The following PTPN13 variants were observed in gnomAD, a reference collection of about 807,000 sequenced individuals.
The protein encoded by PTPN13 is protein tyrosine phosphatase non-receptor type 13.
PTPN13 carries 191 observed loss-of-function variants against 284.0 expected under a neutral mutation model. The ratio of observed to expected loss-of-function variants is 0.67; its 90% CI spans 0.60 to 0.76. The LOEUF (loss-of-function observed/expected upper bound fraction) is 0.76, where lower values mean the gene tolerates loss of function less well. Among genes scored for constraint, PTPN13 ranks in the 30% least tolerant of loss-of-function variants. The pLI, the probability that PTPN13 is intolerant of heterozygous loss-of-function variation, is 0.00. For synonymous variants in PTPN13, 986 were observed against 1,022.3 expected, an observed-to-expected ratio of 0.96 and a Z score of 0.68; for missense variants, 2,797 against 2,939.9, an observed-to-expected ratio of 0.95 and a Z score of 1.12.
At chr4:86,713,120 A>G (rs564057421) in intron 7 of PTPN13, among the ~76,000 whole-genome samples, 2 of 152,232 alleles carry the variant, frequency 1.3e-5, no homozygotes, top group South Asian at 2.1e-4. Context: ...TACTCATTTT[A>G]TTGAACAGGT....
In PTPN13 at chr4:86,785,889, G is replaced by C. The variant is rs372303033; in HGVS notation, c.6298G>C (p.Glu2100Gln). The C allele has an allele frequency of 1.9e-6, 3 of 1,569,422 alleles. No homozygotes were observed. The African/African-American group carries it at 4.0e-5, about 21-fold the overall frequency. The change falls in exon 40 of 48, where the codon GAA (glutamate) becomes CAA (glutamine). Residue 2100 changes from glutamate (E) to glutamine (Q), a missense_variant. By Grantham distance (29) the Glu-to-Gln change is conservative (BLOSUM62 2). Coordinates refer to ENST00000411767, the MANE Select transcript of PTPN13 (RefSeq NM_080683.3). ...TGGGAAGTTATCAGAAGAGAGAACAGAAGATACAGACTGCGATGGTTCACC... is the reference window on the plus strand; with the variant it reads ...TGGGAAGTTATCAGAAGAGAGAACACAAGATACAGACTGCGATGGTTCACC... ...MNGKLSEERT[E>Q]DTDCDGSPLP...
At chr4:86,786,836 C>T (rs1456402370) in intron 40 of PTPN13, among the ~76,000 whole-genome samples, 1 of 152,182 alleles carries the variant, frequency 6.6e-6, no homozygotes, top group Non-Finnish European at 1.5e-5. Flanking sequence ...GGCGCGTTGG[C>T]TCATGGCGGT....
intron 20 of PTPN13, among the ~76,000 whole-genome samples, chr4:86,757,995 A>G (rs956184473): frequency 3.9e-5 from 6 of 152,134 alleles, no homozygotes; most frequent in African/African-American, 1.2e-4. Flanking sequence ...CATTTAACCT[A>G]TTGAGGTTTA....
intron 1 of PTPN13, among the ~76,000 whole-genome samples, chr4:86,611,591 A>G (rs1719891786): frequency 6.6e-6 from 1 of 152,252 alleles, no homozygotes; most frequent in Non-Finnish European, 1.5e-5. Context: ...ATCGGGTAAT[A>G]AAGGACAGTG....
chr4:86,736,310 C>T (rs1242054802), intron 15 of PTPN13, among the ~76,000 whole-genome samples: 1 of 152,046 alleles, frequency 6.6e-6, no homozygotes, highest in Non-Finnish European at 1.5e-5. Flanking sequence ...AGTACATTTA[C>T]GATCAAGAAA....
intron 1 of PTPN13, among the ~76,000 whole-genome samples, chr4:86,597,440 T>G (rs559185997): frequency 1.1e-3 from 160 of 152,268 alleles, no homozygotes; most frequent in African/African-American, 3.8e-3. Context: ...AGAGACAATG[T>G]CTCGCTGTAT....
chr4:86,784,222 G>T (rs1477528666), intron 37 of PTPN13, among the ~76,000 whole-genome samples: 2 of 152,056 alleles, frequency 1.3e-5, no homozygotes, highest in Non-Finnish European at 2.9e-5. Context: ...AAAATTCCTG[G>T]AATAAAAATT....
In PTPN13 at chr4:86,627,486, C is replaced by A. The variant is rs78255433; in HGVS notation, c.-5-7766C>A. 6.1e-3 allele frequency among the ~76,000 whole-genome samples: 914 copies of A among 150,302 alleles called. 13 individuals are homozygous for A. Among genetic ancestry groups the A allele is most frequent in the African/African-American group, 0.021 (853 of 41,190 alleles). ...ACAAAGAAAAGGATTGCTGTTTCAC[C>A]TTTGATTGGGTTTAGTTTTTGGTTT... On this transcript the variant is annotated intron_variant, in intron 1 of 47. Coordinates refer to ENST00000411767, the MANE Select transcript of PTPN13 (RefSeq NM_080683.3).
Position 86,716,557 on chromosome 4 carries a change from A to G in PTPN13, c.1223A>G (p.His408Arg). ...EEPVRRYKTY[H>R]GDVFSTSSES... is the part of the protein sequence containing the mutation. ...CCAGTTCGAAGATACAAAACTTATCATGGTGATGTCTTTAGTACCTCCAGT... is the reference window on the plus strand; with the variant it reads ...CCAGTTCGAAGATACAAAACTTATCGTGGTGATGTCTTTAGTACCTCCAGT... The change falls in exon 8 of 48, where the codon CAT (histidine) becomes CGT (arginine). Residue 408 changes from histidine to arginine, a missense_variant. By Grantham distance (29) the His-to-Arg change is conservative. Transcript: ENST00000411767. The G allele has an allele frequency of 5.6e-6, 9 of 1,596,410 alleles. No individual in the cohort carries two copies. Among genetic ancestry groups the G allele is most frequent in the Non-Finnish European group, 7.7e-6 (9 of 1,171,598 alleles).
In PTPN13 at chr4:86,775,501, A is replaced by C. The variant is rs2149287739; in HGVS notation, c.5740A>C (p.Asn1914His). 1 of 1,611,778 alleles carries C rather than the reference A, an allele frequency of 6.2e-7. No individual in the cohort carries two copies. Among genetic ancestry groups the C allele is most frequent in the East Asian group, 2.2e-5 (1 of 44,862 alleles). ...LYQVVYISDINPRSVAAIEGN... is the reference protein window; with the variant it reads ...LYQVVYISDIHPRSVAAIEGN... Reference sequence around the variant, plus strand: ...TCAAGTGGTATATATTAGTGATATTAATCCAAGGTCCGTCGCAGCCATTGA... The same window carrying C: ...TCAAGTGGTATATATTAGTGATATTCATCCAAGGTCCGTCGCAGCCATTGA... Residue 1914 changes from asparagine (N) to histidine (H), a missense_variant, in exon 35 of 48, where the codon AAT (asparagine) becomes CAT (histidine). Coordinates refer to ENST00000411767, the MANE Select transcript of PTPN13 (RefSeq NM_080683.3).
intron 40 of PTPN13, 55 bp from the exon 41 acceptor site, chr4:86,796,819 T>C (rs1313348282): frequency 8.9e-7 from 1 of 1,121,552 alleles, no homozygotes; most frequent in Non-Finnish European, 1.3e-6. Context: ...AAAAATAGTA[T>C]GCGATTTTTT....
intron 6 of PTPN13, among the ~76,000 whole-genome samples, chr4:86,696,527 A>T (rs1730612904): frequency 2.0e-5 from 3 of 151,938 alleles, no homozygotes; most frequent in African/African-American, 7.2e-5. Flanking sequence ...CCAGATTTTA[A>T]TGCCTTTTAT....
chr4:86,630,659 G>A (rs1293271241), intron 1 of PTPN13, among the ~76,000 whole-genome samples: 1 of 152,044 alleles, frequency 6.6e-6, no homozygotes, highest in Non-Finnish European at 1.5e-5. Flanking sequence ...GTGAATCCTT[G>A]CTCAAACTAG....
chr4:86,763,047 G>C lies in PTPN13; in HGVS notation c.3874G>C (p.Glu1292Gln), dbSNP rs199909155. 1.2e-6 allele frequency: 2 copies of C among 1,613,646 alleles called. No individual in the cohort carries two copies. The highest frequency in any genetic ancestry group is 1.7e-6 in the Non-Finnish European group (2 of 1,179,840). Reference protein sequence around the residue: ...PSPSVISKATEKETFTDSNQS... With the variant: ...PSPSVISKATQKETFTDSNQS... ...CCCATCTGTAATATCCAAAGCCACC[G>C]AGAAAGAGACTTTCACTGATAGTAA... Residue 1292 changes from glutamate to glutamine, a missense_variant, in exon 24 of 48, where the codon GAG becomes CAG. Coordinates refer to ENST00000411767, the MANE Select transcript of PTPN13 (RefSeq NM_080683.3).
At chr4:86,641,981 A>G (rs1330318866) in intron 2 of PTPN13, among the ~76,000 whole-genome samples, 1 of 152,146 alleles carries the variant, frequency 6.6e-6, no homozygotes, top group Non-Finnish European at 1.5e-5. Context: ...ACTTCCCACT[A>G]TGATTATATT....
At chr4:86,793,710 C>T (rs1742961833) in intron 40 of PTPN13, among the ~76,000 whole-genome samples, 1 of 152,174 alleles carries the variant, frequency 6.6e-6, no homozygotes. Context: ...TTACTCAAAA[C>T]CACACAACTA....
At chr4:86,621,869 C>T (rs1422220361) in intron 1 of PTPN13, among the ~76,000 whole-genome samples, 1 of 151,884 alleles carries the variant, frequency 6.6e-6, no homozygotes, top group African/African-American at 2.4e-5. Context: ...CTTCCTTTTG[C>T]TCCCTCTCTC....
chr4:86,699,107 G>T (rs745703733), intron 6 of PTPN13, among the ~76,000 whole-genome samples: 20 of 152,130 alleles, frequency 1.3e-4, no homozygotes, highest in Non-Finnish European at 2.5e-4. Context: ...AGTAGACATA[G>T]CCTGGCACAG....
At position 86,783,129 on chromosome 4, in the gene PTPN13, G is replaced by C. The variant is rs530943248; in HGVS notation, c.6024+867G>C. 3.9e-4 allele frequency among the ~76,000 whole-genome samples: 59 copies of C among 152,236 alleles called. 3 individuals are homozygous for C. The South Asian group carries it at 0.012, about 31-fold the overall frequency. ...TGTGGGAGGAGAAAAATAATTTCAT[G>C]ACCAGAATTCCAAAATTCTACACCT... On this transcript the variant is annotated intron_variant, in intron 37 of 47. Transcript: ENST00000411767.
Sources: allele counts gnomAD v4.1 joint callset (sites outside exome capture counted in the v4.1 genomes callset), GRCh38; gene constraint gnomAD v4.1.1; transcripts MANE v1.5; gene names NCBI Gene and HGNC (gene_info 2026-07-23, HGNC 2026-07-21).